The following FAM217A variants were observed in gnomAD, a reference collection of about 807,000 sequenced individuals.
The protein encoded by FAM217A is protein FAM217A.
FAM217A carries 13 observed loss-of-function variants against 18.5 expected under a neutral mutation model. The ratio of observed to expected loss-of-function variants is 0.70; its 90% CI spans 0.46 to 1.12. The LOEUF (loss-of-function observed/expected upper bound fraction) is 1.12, where lower values mean the gene tolerates loss of function less well. Ranked by LOEUF, FAM217A falls within the 50% of genes most tolerant of loss-of-function variation. The pLI, the probability that FAM217A is intolerant of heterozygous loss-of-function variation, is 0.00. For synonymous variants in FAM217A, 161 were observed against 202.8 expected, an observed-to-expected ratio of 0.79 and a Z score of 1.75; for missense variants, 560 against 575.4, an observed-to-expected ratio of 0.97 and a Z score of 0.27.
chr6:4,075,536 G>A (rs1324654891), intron 2 of FAM217A, among the ~76,000 whole-genome samples: 2 of 152,128 alleles, frequency 1.3e-5, no homozygotes, highest in Non-Finnish European at 2.9e-5. Flanking sequence ...AATAACAACT[G>A]AGTATTTATG....
intron 1 of FAM217A, among the ~76,000 whole-genome samples, chr6:4,078,492 C>T (rs1027345714): frequency 6.6e-6 from 1 of 152,148 alleles, no homozygotes; most frequent in Non-Finnish European, 1.5e-5. Context: ...TATTGGTCCA[C>T]GAGTGTGTGC....
intron 6 of FAM217A, 134 bp downstream of exon 6, chr6:4,073,141 A>G (rs2113863705): frequency 3.0e-6 from 2 of 663,720 alleles, no homozygotes; most frequent in Non-Finnish European, 4.9e-6. Context: ...GTGGACTTCT[A>G]CAATTGCCCA....
In FAM217A at chr6:4,069,215, G is replaced by A. The variant is rs779982117; in HGVS notation, c.1008C>T (p.Cys336=). ...ATPKVRQPKL[C]DSLSLQIPCV... is the part of the protein sequence containing the mutation. ...AAGGTATCTGAAGACTCAAAGAGTC[G>A]CAAAGTTTTGGCTGTCTCACTTTTG... Residue 336 remains cysteine, a synonymous_variant, in exon 7 of 7, where the codon TGC becomes TGT. Coordinates refer to ENST00000274673, the MANE Select transcript of FAM217A (RefSeq NM_173563.3). The A allele has an allele frequency of 7.4e-6, 12 of 1,613,950 alleles. No individual in the cohort carries two copies. Among genetic ancestry groups the A allele is most frequent in the African/African-American group, 6.7e-5 (5 of 74,896 alleles).
upstream of FAM217A, among the ~76,000 whole-genome samples, chr6:4,081,654 G>A (rs1039666052): frequency 2.6e-5 from 4 of 152,222 alleles, no homozygotes; most frequent in Non-Finnish European, 4.4e-5. Flanking sequence ...AGCCTTAGAT[G>A]TATTATATAA....
In FAM217A at chr6:4,077,430, GCT is replaced by G. The variant is rs1303432769; in HGVS notation, c.-18_-17del. ...TTCTCCCCATTTTGTTGTAGCTGTT[GCT>G]CTGTTTCCTTAAAATCCTACACAGA... On this transcript the variant is annotated 5_prime_UTR_variant, in exon 2 of 7. Transcript: ENST00000274673. 7.4e-6 allele frequency: 12 copies of G among 1,613,924 alleles called. No individual in the cohort carries two copies. Among genetic ancestry groups the G allele is most frequent in the Non-Finnish European group, 1.0e-5 (12 of 1,179,916 alleles).
At position 4,068,606 on chromosome 6, in the gene FAM217A, A is replaced by G; in HGVS notation, c.*90T>C. 7.0e-7 allele frequency: 1 copy of G among 1,423,706 alleles called. No individual in the cohort carries two copies. Among genetic ancestry groups the G allele is most frequent in the South Asian group, 1.4e-5 (1 of 70,164 alleles). 88.2% of individuals were successfully genotyped at this position (1,423,706 alleles called of 1,614,324 possible). On this transcript the variant is annotated 3_prime_UTR_variant, in exon 7 of 7. Coordinates refer to ENST00000274673, the MANE Select transcript of FAM217A (RefSeq NM_173563.3). ...GTTTGGTGATTTTGGGGGACTGTTA[A>G]TAGTACCTGTGTCTTGGAATAATTA... is the stretch of plus-strand genomic sequence containing the variant.
chr6:4,074,189 T>C (rs1769613210), intron 4 of FAM217A, among the ~76,000 whole-genome samples: 2 of 152,164 alleles, frequency 1.3e-5, no homozygotes, highest in African/African-American at 4.8e-5. Flanking sequence ...CTACTTCCCT[T>C]TCGGCAATGA....
chr6:4,077,922 C>T (rs551284015), intron 1 of FAM217A, among the ~76,000 whole-genome samples: 12 of 152,110 alleles, frequency 7.9e-5, no homozygotes, highest in East Asian at 1.9e-4. Flanking sequence ...CAATATTTTC[C>T]GCACCAATCA....
Position 4,079,116 on chromosome 6 carries a change from CG to C in FAM217A, c.-300del. ...GAGAGACCTTCCGGGGCCGGGGCTG[CG>C]GCTCCGCGGGCTTCCCCACCGGCCG... On this transcript the variant is annotated 5_prime_UTR_variant, in exon 1 of 7. Coordinates refer to ENST00000274673, the MANE Select transcript of FAM217A (RefSeq NM_173563.3). 1 of 347,048 alleles carries C rather than the reference CG, an allele frequency of 2.9e-6. No homozygotes were observed. The highest frequency in any genetic ancestry group is 5.2e-6 in the Non-Finnish European group (1 of 193,752). 21.5% of individuals were successfully genotyped at this position (347,048 alleles called of 1,614,324 possible).
At chr6:4,080,243 A>G (rs1310874027), upstream of FAM217A, among the ~76,000 whole-genome samples, 3 of 152,190 alleles carry the variant, frequency 2.0e-5, no homozygotes, top group Non-Finnish European at 4.4e-5. Context: ...CTCCTCAGAA[A>G]GACCTTCCCT....
chr6:4,081,434 C>CCCTAGGGATTACAGGCA (rs1478909532), upstream of FAM217A, among the ~76,000 whole-genome samples: 1 of 152,088 alleles, frequency 6.6e-6, no homozygotes, highest in Non-Finnish European at 1.5e-5. Flanking sequence ...CTCCCTAGTT[C>CCCTAGGGATTACAGGCA]CCTAGTAGCT....
chr6:4,073,761 G>A (rs1040846912), intron 4 of FAM217A, among the ~76,000 whole-genome samples: 1 of 152,006 alleles, frequency 6.6e-6, no homozygotes, highest in African/African-American at 2.4e-5. Context: ...GCAGTGAAAT[G>A]TTTTATGTTT....
At chr6:4,076,724 C>T (rs1395180569) in intron 2 of FAM217A, among the ~76,000 whole-genome samples, 2 of 151,628 alleles carry the variant, frequency 1.3e-5, no homozygotes, top group Admixed American at 1.3e-4. Flanking sequence ...AAAAATTAGC[C>T]GGGCGTGGTG....
At position 4,078,839 on chromosome 6, in the gene FAM217A, G is replaced by A. The variant is rs1431086797; in HGVS notation, c.-35+13C>T. 8.7e-6 allele frequency: 4 copies of A among 460,964 alleles called. No individual in the cohort carries two copies. The highest frequency in any genetic ancestry group is 6.1e-5 in the African/African-American group (3 of 49,116). 28.6% of individuals were successfully genotyped at this position (460,964 alleles called of 1,614,324 possible). A position where few individuals can be genotyped will look rare whatever the true frequency, so the allele number is the denominator to read the frequency against. Reference sequence around the variant, plus strand: ...GGCTGCGGGATTCCCCGGGGCCGGGGCTCTCAACCCACCGCGCGAAGGCCC... The same window carrying A: ...GGCTGCGGGATTCCCCGGGGCCGGGACTCTCAACCCACCGCGCGAAGGCCC... On this transcript the variant is annotated intron_variant, in intron 1 of 6. Coordinates refer to ENST00000274673, the MANE Select transcript of FAM217A (RefSeq NM_173563.3).
At chr6:4,079,785 T>C, upstream of FAM217A, 1 of 586,360 alleles carries the variant, frequency 1.7e-6, no homozygotes, top group South Asian at 2.5e-5. Flanking sequence ...GCATCCTTGT[T>C]GACACCAAGC....
At chr6:4,079,632 C>T (rs753288649), upstream of FAM217A, 1 of 1,288,804 alleles carries the variant, frequency 7.8e-7, no homozygotes, top group South Asian at 1.2e-5. Context: ...CACCCGCCTC[C>T]ACCCTCCATT....
rs1186429578 is a variant in FAM217A, at chr6:4,068,974, T to C, written c.1249A>G (p.Lys417Glu). 6.2e-7 allele frequency: 1 copy of C among 1,614,052 alleles called. No individual in the cohort carries two copies. Among genetic ancestry groups the C allele is most frequent in the Non-Finnish European group, 8.5e-7 (1 of 1,180,036 alleles). Residue 417 changes from lysine (K) to glutamate (E), a missense_variant, in exon 7 of 7, where the codon AAA (lysine) becomes GAA (glutamate). Physicochemically the swap from Lys to Glu is moderately conservative, Grantham distance 56 (BLOSUM62 1). Coordinates refer to ENST00000274673, the MANE Select transcript of FAM217A (RefSeq NM_173563.3). ...TGATTTGTATGGCCAATAGTAGGTTTGAATGAGAGTTCTTGGCATGGACTT... is the reference window on the plus strand; with the variant it reads ...TGATTTGTATGGCCAATAGTAGGTTCGAATGAGAGTTCTTGGCATGGACTT... ...ILSPCQELSF[K>E]PTIGHTNQSM...
Position 4,074,466 on chromosome 6 carries a change from G to T in FAM217A, c.146-10C>A. ...ACCTTGTTAATTTTGCCTGAAATGT[G>T]TATAAAAAATGACAATTAATAGTTA... is the stretch of plus-strand genomic sequence containing the variant. On this transcript the variant is annotated splice_polypyrimidine_tract_variant and intron_variant, in intron 3 of 6. Transcript: ENST00000274673. The T allele has an allele frequency of 4.4e-6, 7 of 1,585,790 alleles. No individual in the cohort carries two copies. The highest frequency in any genetic ancestry group is 6.1e-6 in the Non-Finnish European group (7 of 1,156,208).
At chr6:4,079,789 A>G (rs888498928), upstream of FAM217A, 25 of 546,366 alleles carry the variant, frequency 4.6e-5, no homozygotes, top group Non-Finnish European at 6.0e-5. Flanking sequence ...CCTTGTTGAC[A>G]CCAAGCTCAT....
Sources: allele counts gnomAD v4.1 joint callset (sites outside exome capture counted in the v4.1 genomes callset), GRCh38; gene constraint gnomAD v4.1.1; transcripts MANE v1.5; gene names NCBI Gene and HGNC (gene_info 2026-07-23, HGNC 2026-07-21).